PATJ: variants seen among roughly 807,000 people sequenced by gnomAD.
PATJ encodes inaD-like protein.
Under a neutral mutation model 224.9 loss-of-function variants are expected in PATJ, and 190 were observed. The ratio of observed to expected loss-of-function variants is 0.84; its 90% CI spans 0.75 to 0.95. PATJ has a LOEUF of 0.95. Among genes scored for constraint, PATJ ranks in the 40% least tolerant of loss-of-function variants. The pLI is 0.00. For synonymous variants in PATJ, 769 were observed against 820.3 expected, an observed-to-expected ratio of 0.94 and a Z score of 1.07; for missense variants, 2,121 against 2,270.3, an observed-to-expected ratio of 0.93 and a Z score of 1.34.
chr1:62,095,188 T>C (rs991321513), intron 33 of PATJ, among the ~76,000 whole-genome samples: 5 of 152,136 alleles, frequency 3.3e-5, no homozygotes, highest in African/African-American at 1.2e-4. Flanking sequence ...TACACTTGAG[T>C]GTTAGATTCA....
chr1:61,936,187 T>A (rs900035139), intron 27 of PATJ, among the ~76,000 whole-genome samples: 5 of 151,772 alleles, frequency 3.3e-5, no homozygotes, highest in Non-Finnish European at 2.9e-5. Flanking sequence ...TAGCAGTCAC[T>A]CCACTTCATA....
At chr1:61,981,959 G>A (rs976055846) in intron 27 of PATJ, among the ~76,000 whole-genome samples, 5 of 152,038 alleles carry the variant, frequency 3.3e-5, no homozygotes, top group Admixed American at 6.5e-5. Context: ...GTGAGCCACC[G>A]CACTCAGCCT....
chr1:62,158,530 T>C (rs1022189645), intron 43 of PATJ, among the ~76,000 whole-genome samples: 15 of 148,124 alleles, frequency 1.0e-4, no homozygotes, highest in African/African-American at 1.7e-4. Context: ...CCATCCTGGC[T>C]AACACGGTAA....
At chr1:61,801,160 C>T (rs999990633) in intron 11 of PATJ, among the ~76,000 whole-genome samples, 2 of 152,166 alleles carry the variant, frequency 1.3e-5, no homozygotes, top group African/African-American at 4.8e-5. Context: ...GCCATACTGT[C>T]TTCCACTGTG....
intron 29 of PATJ, among the ~76,000 whole-genome samples, chr1:62,025,743 A>G (rs1022065697): frequency 6.6e-6 from 1 of 152,220 alleles, no homozygotes; most frequent in Non-Finnish European, 1.5e-5. Flanking sequence ...GAATCACTTC[A>G]ACCCAGGAGG....
chr1:61,846,667 G>A (rs1238487285), intron 17 of PATJ, among the ~76,000 whole-genome samples: 10 of 152,154 alleles, frequency 6.6e-5, no homozygotes, highest in Admixed American at 6.5e-4. Context: ...TGCTATCTCG[G>A]CTCACTGCAA....
chr1:61,939,846 A>G (rs1208360269), intron 27 of PATJ, among the ~76,000 whole-genome samples: 1 of 151,092 alleles, frequency 6.6e-6, no homozygotes, highest in East Asian at 2.0e-4. Flanking sequence ...ACTAATTTTT[A>G]TATTTTTAGT....
chr1:61,748,740 C>G lies in PATJ; in HGVS notation c.-36+6185C>G, dbSNP rs182954547. 7.6e-4 allele frequency among the ~76,000 whole-genome samples: 116 copies of G among 152,042 alleles called. 1 individual carries two copies. Among genetic ancestry groups the G allele is most frequent in the Non-Finnish European group, 1.0e-4 (7 of 67,988 alleles). On this transcript the variant is annotated intron_variant, in intron 1 of 43. Transcript: ENST00000642238. ...CAGTGCCATGATCATGGTTCACTAG[C>G]CCTGACCCCCTGGGCACAAGGGTTC...
chr1:62,030,971 A>G (rs1649157921), intron 29 of PATJ, among the ~76,000 whole-genome samples: 1 of 152,202 alleles, frequency 6.6e-6, no homozygotes. Flanking sequence ...TAAGGTATGA[A>G]CGTGGCTTTT....
intron 26 of PATJ, among the ~76,000 whole-genome samples, chr1:61,926,564 TC>T (rs1215460731): frequency 6.6e-6 from 1 of 152,206 alleles, no homozygotes; most frequent in Non-Finnish European, 1.5e-5. Flanking sequence ...AGTTTTTTTT[TC>T]AACTTACAAG....
chr1:62,097,580 C>T (rs1042456685), intron 33 of PATJ, among the ~76,000 whole-genome samples: 22 of 152,146 alleles, frequency 1.4e-4, no homozygotes, highest in African/African-American at 5.3e-4. Context: ...CCAGACATGA[C>T]AGTAAAGCCA....
rs778375021 is a variant in PATJ at position 61,856,097 on chromosome 1, G to A, written c.2180G>A (p.Arg727Lys). Residue 727 changes from arginine to lysine, a missense_variant, in exon 18 of 44, where the codon AGA becomes AAA. Coordinates refer to ENST00000642238, the MANE Select transcript of PATJ (RefSeq NM_001350145.3). ...RSLVADGVAE[R>K]SGGLLPGDRL... ...CTGGTAGCAGATGGTGTAGCAGAAA[G>A]AAGTGGGGGACTATTACCTGGAGAC... is the stretch of plus-strand genomic sequence containing the variant. The A allele has an allele frequency of 3.1e-6, 5 of 1,614,152 alleles. No homozygotes were observed. Among genetic ancestry groups the A allele is most frequent in the Middle Eastern group, 3.3e-4 (2 of 6,062 alleles).
At chr1:62,147,236 T>A (rs1460788690) in intron 41 of PATJ, among the ~76,000 whole-genome samples, 1 of 152,062 alleles carries the variant, frequency 6.6e-6, no homozygotes, top group Non-Finnish European at 1.5e-5. Context: ...ATGGAAAAGA[T>A]AAGAAGCTCA....
intron 27 of PATJ, among the ~76,000 whole-genome samples, chr1:61,983,078 A>G (rs1644539140): frequency 6.6e-6 from 1 of 151,976 alleles, no homozygotes; most frequent in African/African-American, 2.4e-5. Context: ...GGTGACTGTA[A>G]GAGAAGGTCC....
intron 41 of PATJ, among the ~76,000 whole-genome samples, chr1:62,144,354 A>G (rs556783312): frequency 6.6e-5 from 10 of 152,280 alleles, no homozygotes; most frequent in Admixed American, 3.3e-4. Flanking sequence ...GTTCTGGGGC[A>G]GGCCTATTTT....
At chr1:62,101,259 C>CTTTTTTTT (rs916854253) in intron 33 of PATJ, among the ~76,000 whole-genome samples, 7 of 122,606 alleles carry the variant, frequency 5.7e-5, no homozygotes, top group East Asian at 2.4e-4. Flanking sequence ...CTTTTCTTTT[C>CTTTTTTTT]TTTTTTTTTT....
chr1:62,037,960 A>C lies in PATJ; in HGVS notation c.3960-17A>C. On this transcript the variant is annotated splice_polypyrimidine_tract_variant and intron_variant, in intron 29 of 43. Coordinates refer to ENST00000642238, the MANE Select transcript of PATJ (RefSeq NM_001350145.3). The stretch of plus-strand genomic sequence containing the variant: ...CATTTACTGTGTACTGATTCTGCCT[A>C]TTTTAACACTTCACAGAAACGAGGA... 1 of 1,588,936 alleles carries C rather than the reference A, an allele frequency of 6.3e-7. No individual in the cohort carries two copies. The highest frequency in any genetic ancestry group is 8.6e-7 in the Non-Finnish European group (1 of 1,161,628).
rs142595608 is a variant in PATJ at position 61,969,246 on chromosome 1, A to G, written c.3671-20922A>G. On this transcript the variant is annotated intron_variant, in intron 27 of 43. Coordinates refer to ENST00000642238, the MANE Select transcript of PATJ (RefSeq NM_001350145.3). ...TTTCAATTATTTTAGAGATATACCC[A>G]GAAGTAGAATTACTGGATCATATGA... 2.7e-4 allele frequency among the ~76,000 whole-genome samples: 41 copies of G among 152,344 alleles called. No individual in the cohort carries two copies. The East Asian group carries it at 7.3e-3, about 27-fold the overall frequency.
At chr1:62,055,183 GA>G (rs576146392) in intron 31 of PATJ, among the ~76,000 whole-genome samples, 49 of 152,316 alleles carry the variant, frequency 3.2e-4, no homozygotes, top group South Asian at 8.3e-4. Context: ...ATTTATAGAT[GA>G]GACTTTATCT....
Sources: gnomAD v4.1 joint callset for allele counts (sites outside exome capture counted in the v4.1 genomes callset) on GRCh38, gnomAD v4.1.1 for gene constraint, MANE v1.5 for transcripts, NCBI Gene and HGNC (gene_info 2026-07-23, HGNC 2026-07-21) for gene names.